TOP1MT: variants seen among roughly 807,000 people sequenced by gnomAD.
TOP1MT encodes the protein DNA topoisomerase I, mitochondrial.
TOP1MT carries 80 observed loss-of-function variants against 73.9 expected under a neutral mutation model. The observed-to-expected ratio is 1.08, with a 90% CI of 0.90 to 1.30. The LOEUF (loss-of-function observed/expected upper bound fraction) is 1.30, where lower values mean the gene tolerates loss of function less well. Ranked by LOEUF, TOP1MT falls within the 50% of genes most tolerant of loss-of-function variation. The pLI is 0.00. For synonymous variants in TOP1MT, 338 were observed against 326.4 expected, an observed-to-expected ratio of 1.04 and a Z score of -0.38; for missense variants, 815 against 808.0, an observed-to-expected ratio of 1.01 and a Z score of -0.10.
In TOP1MT at chr8:143,342,824, A is replaced by G. The variant is rs751044914; in HGVS notation, c.29+396T>C. Among the ~76,000 whole-genome samples the G allele has an allele frequency of 2.9e-4, 33 of 115,438 alleles. 1 individual carries two copies. Among genetic ancestry groups the G allele is most frequent in the Admixed American group, 5.7e-4 (6 of 10,590 alleles). The allele number at this position is 115,438 out of a possible 152,430, so 75.7% of individuals were successfully genotyped here. Reference sequence around the variant, plus strand: ...ATTAGAGACAGAGTCTCGCTCTGTCACCCAGGCTGGAGTGCAGTGGCGTGA... The same window carrying G: ...ATTAGAGACAGAGTCTCGCTCTGTCGCCCAGGCTGGAGTGCAGTGGCGTGA... On this transcript the variant is annotated intron_variant, in intron 2 of 5. Coordinates refer to the TOP1MT transcript ENST00000518007.
upstream of TOP1MT, among the ~76,000 whole-genome samples, chr8:143,339,316 G>T (rs367729977): frequency 3.9e-5 from 6 of 152,336 alleles, no homozygotes; most frequent in African/African-American, 1.4e-4. Flanking sequence ...GCAGGCGTGC[G>T]TATCACACCC....
chr8:143,310,030 A>G (rs1212533074), intron 13 of TOP1MT, 38 bp downstream of exon 13: 2 of 1,604,826 alleles, frequency 1.2e-6, no homozygotes, highest in African/African-American at 2.7e-5. Context: ...GGCCCCCCAT[A>G]GGCCACAGGT....
At chr8:143,309,783 C>T (rs1332053502) in intron 13 of TOP1MT, 12 of 1,533,526 alleles carry the variant, frequency 7.8e-6, no homozygotes, top group African/African-American at 1.4e-5. Context: ...GGCGCTCAGC[C>T]ACCTCCCACT....
chr8:143,330,782 T>G (rs1213292869), intron 2 of TOP1MT, among the ~76,000 whole-genome samples: 1 of 152,200 alleles, frequency 6.6e-6, no homozygotes, highest in Non-Finnish European at 1.5e-5. Flanking sequence ...CCCCGGGTCC[T>G]GCCTCTGAGG....
chr8:143,356,329 C>T (rs1448599171), upstream of TOP1MT, among the ~76,000 whole-genome samples: 2 of 152,252 alleles, frequency 1.3e-5, no homozygotes, highest in African/African-American at 2.4e-5. Context: ...CACCTAACTC[C>T]AGCTCCTTCT....
rs1385101998 is a variant in TOP1MT, at chr8:143,325,553, A to G, written c.484-20T>C. 1 of 1,598,306 alleles carries G rather than the reference A, an allele frequency of 6.3e-7. No individual in the cohort carries two copies. The highest frequency in any genetic ancestry group is 8.6e-7 in the Non-Finnish European group (1 of 1,167,370). ...TAGCTTCTGAGTTAATAAAACAGTCAGTGGACATTAGCAGTGAAGAGAAGA... is the reference window on the plus strand; with the variant it reads ...TAGCTTCTGAGTTAATAAAACAGTCGGTGGACATTAGCAGTGAAGAGAAGA... On this transcript the variant is annotated intron_variant, in intron 4 of 13. Coordinates refer to ENST00000329245, the MANE Select transcript of TOP1MT (RefSeq NM_052963.3).
chr8:143,330,862 C>T (rs1244944440), intron 2 of TOP1MT, among the ~76,000 whole-genome samples: 1 of 147,136 alleles, frequency 6.8e-6, no homozygotes, highest in African/African-American at 2.5e-5. Context: ...GTCAAGTGAC[C>T]GTTCTGTGAT....
chr8:143,321,503 A>ACACACACGCACTC, intron 7 of TOP1MT, 117 bp from the exon 8 acceptor site: 1 of 632,308 alleles, frequency 1.6e-6, no homozygotes, highest in Non-Finnish European at 2.3e-6. Context: ...CACGCACGCC[A>ACACACACGCACTC]CACACACGCA....
chr8:143,321,620 C>CACAG (rs1563757974), intron 7 of TOP1MT, among the ~76,000 whole-genome samples: 4 of 54,088 alleles, frequency 7.4e-5, no homozygotes, highest in Non-Finnish European at 4.0e-5. Context: ...GCACGCCACA[C>CACAG]GCACGCCACA....
chr8:143,338,883 T>C (rs965383159), upstream of TOP1MT, among the ~76,000 whole-genome samples: 2 of 152,224 alleles, frequency 1.3e-5, no homozygotes, highest in East Asian at 3.8e-4. Context: ...CTCCTCCCCT[T>C]GTGCCCTCTT....
chr8:143,336,912 A>T (rs1816991408), upstream of TOP1MT, among the ~76,000 whole-genome samples: 1 of 152,264 alleles, frequency 6.6e-6, no homozygotes. Context: ...ATATGCAAAC[A>T]TCAGTTGTAT....
chr8:143,356,732 G>C (rs1201294041), upstream of TOP1MT, among the ~76,000 whole-genome samples: 1 of 140,142 alleles, frequency 7.1e-6, no homozygotes, highest in Non-Finnish European at 1.5e-5. Flanking sequence ...GTTGTGGTGA[G>C]CTGAGATCGC....
At chr8:143,357,112 C>A, upstream of TOP1MT, among the ~76,000 whole-genome samples, 1 of 120,976 alleles carries the variant, frequency 8.3e-6, no homozygotes, top group African/African-American at 3.4e-5. Flanking sequence ...AAAAAAAAAG[C>A]TTCATGAGGC....
chr8:143,317,800 T>C lies in TOP1MT; in HGVS notation c.1253A>G (p.Asp418Gly), dbSNP rs1335915366. 1 of 1,614,166 alleles carries C rather than the reference T, an allele frequency of 6.2e-7. No homozygotes were observed. Among genetic ancestry groups the C allele is most frequent in the Non-Finnish European group, 8.5e-7 (1 of 1,180,018 alleles). The change falls in exon 10 of 14, where the codon GAC (aspartate) becomes GGC (glycine). Residue 418 changes from aspartate (D) to glycine (G), a missense_variant. By Grantham distance (94) the Asp-to-Gly change is moderately conservative. Around this residue, in one of 3 missense-constraint regions of TOP1MT, gnomAD observed 751 missense variants for 725.4 expected, o/e 1.04. Coordinates refer to ENST00000329245, the MANE Select transcript of TOP1MT (RefSeq NM_052963.3). ...CCGGAACACCTTGGCCGTCAGCCCG[T>C]CCATCAGCTCCTGGAGGTGCTTGTT... ...SLNKHLQELM[D>G]GLTAKVFRTY... is the part of the protein sequence containing the mutation.
At chr8:143,359,547 C>A, upstream of TOP1MT, 1 of 459,932 alleles carries the variant, frequency 2.2e-6, no homozygotes, top group Non-Finnish European at 2.8e-6. Flanking sequence ...AGGGGTGGGG[C>A]AGCCAGGGGA....
intron 8 of TOP1MT, among the ~76,000 whole-genome samples, chr8:143,319,676 T>C (rs724037): frequency 6.6e-6 from 1 of 152,008 alleles, no homozygotes; most frequent in Non-Finnish European, 1.5e-5. Context: ...TCTGGGCATC[T>C]ATGCTGGTGG....
Position 143,324,466 on chromosome 8 carries a change from T to C in TOP1MT, c.816+19A>G. On this transcript the variant is annotated intron_variant, in intron 6 of 13. Transcript: ENST00000329245. ...GGGACCTCCTGGGGAGGAAACACCCTGCCAAGCCCTGCGCTCACCTTCAGC... is the reference window on the plus strand; with the variant it reads ...GGGACCTCCTGGGGAGGAAACACCCCGCCAAGCCCTGCGCTCACCTTCAGC... 1 of 1,613,694 alleles carries C rather than the reference T, an allele frequency of 6.2e-7. No individual in the cohort carries two copies. Among genetic ancestry groups the C allele is most frequent in the Non-Finnish European group, 8.5e-7 (1 of 1,179,958 alleles).
upstream of TOP1MT, among the ~76,000 whole-genome samples, chr8:143,347,640 A>T (rs1045341945): frequency 1.3e-5 from 2 of 152,170 alleles, no homozygotes; most frequent in African/African-American, 4.8e-5. Flanking sequence ...AATGGCAACT[A>T]AATTGCAACC....
At chr8:143,312,972 G>A (rs1184690731) in intron 12 of TOP1MT, among the ~76,000 whole-genome samples, 3 of 152,234 alleles carry the variant, frequency 2.0e-5, no homozygotes, top group Non-Finnish European at 4.4e-5. Context: ...CAGCTACTCA[G>A]GAGGCTGAGG....
Sources: gnomAD v4.1 joint callset for allele counts (sites outside exome capture counted in the v4.1 genomes callset) on GRCh38, gnomAD v4.1.1 for gene constraint, gnomAD v4.1.1 regional missense constraint, MANE v1.5 for transcripts, NCBI Gene and HGNC (gene_info 2026-07-23, HGNC 2026-07-21) for gene names.